The following HECW2 variants were observed in gnomAD, a reference collection of about 807,000 sequenced individuals.
HECW2 encodes the protein E3 ubiquitin-protein ligase HECW2.
Under a neutral mutation model 175.2 loss-of-function variants are expected in HECW2, and 61 were observed. That is an observed-to-expected ratio of 0.35 (90% CI 0.28 to 0.43). The LOEUF is 0.43. HECW2 is among the 20% of genes least tolerant of loss of function. The pLI is 1.00. For missense variants in HECW2, 1,524 were observed against 2,000.5 expected (o/e 0.76, Z 4.54); for synonymous variants, 671 against 731.0 (o/e 0.92, Z 1.32).
chr2:196,462,451 A>G (rs992085321), intron 1 of HECW2, among the ~76,000 whole-genome samples: 23 of 152,216 alleles, frequency 1.5e-4, no homozygotes, highest in African/African-American at 5.1e-4. Flanking sequence ...TTCTGGATCC[A>G]TTAATAGTGC....
intron 13 of HECW2, among the ~76,000 whole-genome samples, chr2:196,299,576 T>C (rs192122773): frequency 1.2e-3 from 184 of 152,222 alleles, no homozygotes; most frequent in Non-Finnish European, 1.6e-3. Flanking sequence ...TGAACCAGAA[T>C]CTCTAAGATC....
At chr2:196,440,339 T>G (rs1003388609) in intron 1 of HECW2, among the ~76,000 whole-genome samples, 3 of 152,206 alleles carry the variant, frequency 2.0e-5, no homozygotes, top group African/African-American at 7.2e-5. Flanking sequence ...ATCAATGATT[T>G]TATTTAGATT....
chr2:196,428,966 C>A (rs1423805797), intron 2 of HECW2, among the ~76,000 whole-genome samples: 2 of 152,202 alleles, frequency 1.3e-5, no homozygotes, highest in East Asian at 3.8e-4. Flanking sequence ...CTATTTTCTG[C>A]TCTGCCATCC....
chr2:196,337,781 T>C (rs1692605715), intron 3 of HECW2, among the ~76,000 whole-genome samples: 1 of 152,008 alleles, frequency 6.6e-6, no homozygotes, highest in Non-Finnish European at 1.5e-5. Flanking sequence ...TGTACGAACC[T>C]GTAAGGACCT....
chr2:196,381,117 C>T (rs1233252219), intron 2 of HECW2, among the ~76,000 whole-genome samples: 1 of 152,176 alleles, frequency 6.6e-6, no homozygotes, highest in Non-Finnish European at 1.5e-5. Context: ...CCCGGCTTCT[C>T]AGCTGCCATT....
chr2:196,278,088 T>G lies in HECW2; in HGVS notation c.3135+440A>C, dbSNP rs551655531. 6.5e-4 allele frequency among the ~76,000 whole-genome samples: 84 copies of G among 128,268 alleles called. 1 individual carries two copies. The highest frequency in any genetic ancestry group is 1.9e-3 in the South Asian group (7 of 3,666). 84.1% of individuals were successfully genotyped at this position (128,268 alleles called of 152,430 possible). A position where few individuals can be genotyped will look rare whatever the true frequency, so the allele number is the denominator to read the frequency against. On this transcript the variant is annotated intron_variant, in intron 15 of 28. Transcript: ENST00000644978. ...CACATGTATACAAATGTAACAAACC[T>G]GCACATTGTGCACGTGTACCCTAGA...
At chr2:196,340,220 T>C (rs532584114) in intron 3 of HECW2, among the ~76,000 whole-genome samples, 1 of 152,252 alleles carries the variant, frequency 6.6e-6, no homozygotes, top group South Asian at 2.1e-4. Flanking sequence ...TAAAAAAAAG[T>C]TCCATGCAAT....
At chr2:196,459,386 T>C (rs1441729037) in intron 1 of HECW2, among the ~76,000 whole-genome samples, 2 of 152,090 alleles carry the variant, frequency 1.3e-5, no homozygotes, top group Admixed American at 6.6e-5. Context: ...TATTTGAGTA[T>C]AAAGGAGAGT....
intron 1 of HECW2, among the ~76,000 whole-genome samples, chr2:196,549,594 C>CTT (rs200999438): frequency 4.8e-5 from 7 of 144,744 alleles, no homozygotes; most frequent in African/African-American, 1.0e-4. Flanking sequence ...CAGTCTTGCT[C>CTT]TTTTTTTTTT....
chr2:196,374,662 AAAG>A (rs1225099434), intron 2 of HECW2, among the ~76,000 whole-genome samples: 9 of 152,336 alleles, frequency 5.9e-5, no homozygotes, highest in Admixed American at 3.3e-4. Flanking sequence ...AAATATTCAG[AAAG>A]AAGTTTTCAT....
chr2:196,590,466 C>A (rs997794396), intron 1 of HECW2, among the ~76,000 whole-genome samples: 1 of 152,124 alleles, frequency 6.6e-6, no homozygotes, highest in African/African-American at 2.4e-5. Flanking sequence ...AAACTGGTTC[C>A]AGTTTTTCCC....
At chr2:196,425,873 A>C (rs1695533424) in intron 2 of HECW2, among the ~76,000 whole-genome samples, 1 of 152,212 alleles carries the variant, frequency 6.6e-6, no homozygotes, top group African/African-American at 2.4e-5. Context: ...TTTTGAAAAA[A>C]GTTCTACTGT....
chr2:196,222,802 T>A (rs1482536075), intron 23 of HECW2, among the ~76,000 whole-genome samples: 1 of 152,028 alleles, frequency 6.6e-6, no homozygotes, highest in Non-Finnish European at 1.5e-5. Flanking sequence ...ACATGATTTT[T>A]ATTTTAATAT....
intron 1 of HECW2, among the ~76,000 whole-genome samples, chr2:196,556,325 C>T (rs376754465): frequency 1.3e-5 from 2 of 152,090 alleles, no homozygotes; most frequent in Admixed American, 6.6e-5. Flanking sequence ...GATCTATTCT[C>T]GTAGCAAATT....
chr2:196,328,503 G>A (rs530871798), intron 5 of HECW2, among the ~76,000 whole-genome samples: 1 of 152,324 alleles, frequency 6.6e-6, no homozygotes, highest in South Asian at 2.1e-4. Context: ...CCATGGGCCA[G>A]CAATGAACTG....
intron 1 of HECW2, among the ~76,000 whole-genome samples, chr2:196,456,687 T>C (rs1222762757): frequency 1.3e-5 from 2 of 152,212 alleles, no homozygotes; most frequent in Non-Finnish European, 2.9e-5. Context: ...GGTCTTCTTT[T>C]TTACTGCTCT....
chr2:196,257,402 G>A (rs1376880222), intron 18 of HECW2, among the ~76,000 whole-genome samples: 1 of 150,030 alleles, frequency 6.7e-6, no homozygotes, highest in African/African-American at 2.4e-5. Context: ...AAACCACAAG[G>A]TAAATAAATA....
chr2:196,478,611 C>A (rs976703235), intron 1 of HECW2, among the ~76,000 whole-genome samples: 3 of 151,958 alleles, frequency 2.0e-5, no homozygotes, highest in African/African-American at 7.3e-5. Context: ...CTAATCCCCA[C>A]AAACATTTTC....
At chr2:196,568,370 G>A (rs1354242731) in intron 1 of HECW2, among the ~76,000 whole-genome samples, 1 of 152,150 alleles carries the variant, frequency 6.6e-6, no homozygotes, top group Non-Finnish European at 1.5e-5. Flanking sequence ...CTACAAAATG[G>A]AGACCTGAAG....
Sources: gnomAD v4.1 joint callset for allele counts (sites outside exome capture counted in the v4.1 genomes callset) on GRCh38, gnomAD v4.1.1 for gene constraint, MANE v1.5 for transcripts, NCBI Gene and HGNC (gene_info 2026-07-23, HGNC 2026-07-21) for gene names.